METAP1: variants seen among roughly 807,000 people sequenced by gnomAD.
The protein encoded by METAP1 is methionyl aminopeptidase 1.
A neutral mutation model predicts 53.8 loss-of-function variants in METAP1; 28 were observed. The observed-to-expected ratio is 0.52, with a 90% CI of 0.39 to 0.71. The LOEUF (loss-of-function observed/expected upper bound fraction) is 0.71. Ranked by LOEUF, METAP1 falls within the 30% of genes least tolerant of loss-of-function variation. The pLI is 0.00. For synonymous variants in METAP1, 181 were observed against 165.7 expected (o/e 1.09, Z -0.71); for missense variants, 389 against 479.8 (o/e 0.81, Z 1.77).
At chr4:99,042,455 C>T (rs1725944678) in intron 6 of METAP1, among the ~76,000 whole-genome samples, 1 of 152,004 alleles carries the variant, frequency 6.6e-6, no homozygotes, top group East Asian at 1.9e-4. Flanking sequence ...ACTGTGATTA[C>T]CACTGTGTAA....
intron 1 of METAP1, among the ~76,000 whole-genome samples, chr4:99,001,642 G>A (rs958558648): frequency 3.3e-5 from 5 of 152,108 alleles, no homozygotes; most frequent in African/African-American, 1.2e-4. Context: ...ACTGTCATTT[G>A]TTTATTCACT....
At position 99,062,572 on chromosome 4, in the gene METAP1, C is replaced by G. The variant is rs1284138600; in HGVS notation, c.*1255C>G. On this transcript the variant is annotated 3_prime_UTR_variant, in exon 11 of 11. Coordinates refer to ENST00000296411, the MANE Select transcript of METAP1 (RefSeq NM_015143.3). Reference sequence around the variant, plus strand: ...AATTTCATACCACTGACACATTATACTTGTAAGAGAACATCTTTCCCAGAG... The same window carrying G: ...AATTTCATACCACTGACACATTATAGTTGTAAGAGAACATCTTTCCCAGAG... 1 of 152,602 alleles carries G rather than the reference C, an allele frequency of 6.6e-6. No individual in the cohort carries two copies. The highest frequency in any genetic ancestry group is 2.4e-5 in the African/African-American group (1 of 41,426). The allele number at this position is 152,602 out of a possible 1,614,324, so 9.5% of individuals were successfully genotyped here. A position where few individuals can be genotyped will look rare whatever the true frequency, so the allele number is the denominator to read the frequency against.
At chr4:99,019,465 C>G (rs1009284712) in intron 1 of METAP1, among the ~76,000 whole-genome samples, 1 of 152,102 alleles carries the variant, frequency 6.6e-6, no homozygotes, top group Admixed American at 6.5e-5. Flanking sequence ...TATCTTGTCC[C>G]CCTTCTTGTT....
At chr4:99,049,022 A>G (rs1210597774) in intron 9 of METAP1, 146 bp downstream of exon 9, 4 of 1,040,490 alleles carry the variant, frequency 3.8e-6, no homozygotes, top group Non-Finnish European at 5.6e-6. Context: ...TATTTGCTGA[A>G]ACACAGTGCA....
intron 1 of METAP1, among the ~76,000 whole-genome samples, chr4:99,018,378 A>G (rs1447561796): frequency 1.3e-5 from 2 of 152,248 alleles, no homozygotes. Flanking sequence ...TATGTCATCC[A>G]TATATAGGAT....
chr4:99,033,435 T>C (rs1725199657), intron 2 of METAP1, among the ~76,000 whole-genome samples: 1 of 152,190 alleles, frequency 6.6e-6, no homozygotes, highest in Non-Finnish European at 1.5e-5. Flanking sequence ...GGATAAGAGT[T>C]TTATTTTACT....
intron 1 of METAP1, among the ~76,000 whole-genome samples, chr4:99,004,517 TAAC>T (rs1723088565): frequency 1.6e-5 from 2 of 128,644 alleles, no homozygotes; most frequent in Admixed American, 1.5e-4. Context: ...ACACACAAAA[TAAC>T]ACAGCAAATC....
intron 2 of METAP1, among the ~76,000 whole-genome samples, chr4:99,029,893 A>G (rs1034419723): frequency 5.9e-5 from 9 of 152,214 alleles, no homozygotes; most frequent in African/African-American, 1.9e-4. Context: ...AGCGACATCT[A>G]CATTTAATGG....
At chr4:99,016,578 A>C (rs1723780888) in intron 1 of METAP1, among the ~76,000 whole-genome samples, 1 of 152,250 alleles carries the variant, frequency 6.6e-6, no homozygotes, top group Non-Finnish European at 1.5e-5. Flanking sequence ...TATTACTGGC[A>C]GTGGCCTTTG....
At chr4:99,040,818 A>G (rs1217889086) in intron 5 of METAP1, among the ~76,000 whole-genome samples, 7 of 151,894 alleles carry the variant, frequency 4.6e-5, no homozygotes, top group East Asian at 3.9e-4. Context: ...ATTTTCACAT[A>G]GAAATCAGCC....
At chr4:99,043,216 T>C (rs1384602041) in intron 6 of METAP1, 33 bp from the exon 7 acceptor site, 75 of 1,445,780 alleles carry the variant, frequency 5.2e-5, no homozygotes, top group Non-Finnish European at 7.0e-5. Flanking sequence ...TTTTTTCTTT[T>C]ATATATTCCA....
chr4:99,029,377 T>G lies in METAP1; in HGVS notation c.166+459T>G, dbSNP rs115837195. On this transcript the variant is annotated intron_variant, in intron 2 of 10. Coordinates refer to ENST00000296411, the MANE Select transcript of METAP1 (RefSeq NM_015143.3). ...TTTAATGTTATTACCTGCAGTCTTA[T>G]GTTTAATTTTCTTTTTTGAAGTTTT... Among the ~76,000 whole-genome samples, 1,394 of 152,322 alleles carry G rather than the reference T, an allele frequency of 9.2e-3. 14 individuals are homozygous for G. Among genetic ancestry groups the G allele is most frequent in the Admixed American group, 0.016 (249 of 15,292 alleles).
intron 1 of METAP1, chr4:99,023,230 A>G: frequency 2.3e-6 from 1 of 439,104 alleles, no homozygotes; most frequent in Non-Finnish European, 3.8e-6. Flanking sequence ...TTTTATATTG[A>G]TGTATATCTA....
At chr4:99,014,091 AG>A (rs1723622930) in intron 1 of METAP1, among the ~76,000 whole-genome samples, 2 of 152,250 alleles carry the variant, frequency 1.3e-5, no homozygotes, top group South Asian at 4.1e-4. Context: ...CGTCGAATAC[AG>A]GGTATGACAC....
intron 1 of METAP1, chr4:99,023,171 C>G (rs1213810531): frequency 3.4e-6 from 2 of 594,464 alleles, no homozygotes; most frequent in African/African-American, 3.8e-5. Flanking sequence ...TTCATTACTT[C>G]TAATGACTGC....
intron 1 of METAP1, among the ~76,000 whole-genome samples, chr4:99,024,647 AAT>A (rs201452234): frequency 0.022 from 3,340 of 152,316 alleles, 45 homozygotes; most frequent in Non-Finnish European, 0.035. Context: ...TAGGTTTTAC[AAT>A]AGTGTTGTTA....
chr4:99,026,436 A>G, intron 1 of METAP1: 2 of 985,402 alleles, frequency 2.0e-6, no homozygotes, highest in Non-Finnish European at 2.4e-6. Context: ...AGCATTTGAA[A>G]CGACCTAATG....
chr4:99,030,175 G>A (rs1724900775), intron 2 of METAP1, among the ~76,000 whole-genome samples: 1 of 152,140 alleles, frequency 6.6e-6, no homozygotes, highest in Non-Finnish European at 1.5e-5. Context: ...AAGTAATAAA[G>A]GGTTGAGGTT....
chr4:99,048,069 T>TC (rs1165966202), intron 8 of METAP1, among the ~76,000 whole-genome samples: 1 of 152,204 alleles, frequency 6.6e-6, no homozygotes, highest in African/African-American at 2.4e-5. Context: ...CTTTCTTATC[T>TC]CTTCTGCTCA....
Sources: allele counts gnomAD v4.1 joint callset (sites outside exome capture counted in the v4.1 genomes callset), GRCh38; gene constraint gnomAD v4.1.1; transcripts MANE v1.5; gene names NCBI Gene and HGNC (gene_info 2026-07-23, HGNC 2026-07-21).